The following PPM1L variants were observed in gnomAD, a reference collection of about 807,000 sequenced individuals.
PPM1L encodes the protein protein phosphatase, Mg2+/Mn2+ dependent 1L, also known as protein phosphatase 1L.
Under a neutral mutation model 31.4 loss-of-function variants are expected in PPM1L, and 13 were observed. The ratio of observed to expected loss-of-function variants is 0.41; its 90% CI spans 0.27 to 0.66. The LOEUF (loss-of-function observed/expected upper bound fraction) is 0.66. Among genes scored for constraint, PPM1L ranks in the 30% least tolerant of loss-of-function variants. The pLI is 0.29. For missense variants in PPM1L, 326 were observed against 453.7 expected, an observed-to-expected ratio of 0.72 and a Z score of 2.56; for synonymous variants, 184 against 175.4, an observed-to-expected ratio of 1.05 and a Z score of -0.39.
At chr3:160,964,321 G>T in intron 2 of PPM1L, among the ~76,000 whole-genome samples, 1 of 66,898 alleles carries the variant, frequency 1.5e-5, no homozygotes, top group Admixed American at 1.4e-4. Context: ...CACATATTTT[G>T]TATGTTATGT....
intron 2 of PPM1L, among the ~76,000 whole-genome samples, chr3:160,963,308 A>G (rs1197659729): frequency 6.6e-6 from 1 of 152,056 alleles, no homozygotes; most frequent in African/African-American, 2.4e-5. Flanking sequence ...TACTACACTA[A>G]TGCAGGTTCT....
chr3:160,895,211 G>T (rs77122823), intron 1 of PPM1L, among the ~76,000 whole-genome samples: 4,790 of 152,064 alleles, frequency 0.031, 197 homozygotes, highest in African/African-American at 0.094. Context: ...CATTTGTGGG[G>T]TTTTTTTGTT....
At chr3:160,870,657 C>T (rs1413131487) in intron 1 of PPM1L, 1 of 152,140 alleles carries the variant, frequency 6.6e-6, no homozygotes, top group Non-Finnish European at 1.5e-5. Context: ...GTACTGGTGG[C>T]TTTAAAGCCA....
intron 1 of PPM1L, among the ~76,000 whole-genome samples, chr3:160,915,878 C>T (rs1262269961): frequency 6.6e-6 from 1 of 152,118 alleles, no homozygotes; most frequent in Non-Finnish European, 1.5e-5. Context: ...GAAACTGGAT[C>T]CCTTCCTTAC....
chr3:160,832,210 C>A (rs1713542637), intron 1 of PPM1L, among the ~76,000 whole-genome samples: 1 of 152,132 alleles, frequency 6.6e-6, no homozygotes, highest in African/African-American at 2.4e-5. Context: ...AGTGGATACA[C>A]TGCTATGTAC....
At chr3:160,993,118 G>T (rs1717190081) in intron 2 of PPM1L, among the ~76,000 whole-genome samples, 1 of 151,260 alleles carries the variant, frequency 6.6e-6, no homozygotes, top group African/African-American at 2.4e-5. Flanking sequence ...TGAGGATATA[G>T]AATTATACAC....
chr3:161,064,375 AG>A (rs1165589713), intron 2 of PPM1L, among the ~76,000 whole-genome samples: 2 of 142,468 alleles, frequency 1.4e-5, no homozygotes, highest in Non-Finnish European at 3.1e-5. Flanking sequence ...TCTTAAAAAA[AG>A]AAAAAAAAAA....
chr3:160,952,273 G>A lies in PPM1L; in HGVS notation c.400-9463G>A, dbSNP rs192358307. On this transcript the variant is annotated intron_variant, in intron 1 of 3. Coordinates refer to ENST00000498165, the MANE Select transcript of PPM1L (RefSeq NM_139245.4). ...TGTCAAAAGTTAATGATATGTTACC[G>A]TAAGAAAGATGGATTCCAAGGTGAA... is the stretch of plus-strand genomic sequence containing the variant. Among the ~76,000 whole-genome samples the A allele has an allele frequency of 7.0e-4, 107 of 152,250 alleles. 1 individual carries two copies. The highest frequency in any genetic ancestry group is 3.3e-3 in the Admixed American group (50 of 15,294).
chr3:160,988,134 C>A (rs1717024890), intron 2 of PPM1L, among the ~76,000 whole-genome samples: 2 of 152,150 alleles, frequency 1.3e-5, no homozygotes, highest in Non-Finnish European at 2.9e-5. Flanking sequence ...AGGAATAGGG[C>A]AGACGCCATG....
chr3:160,769,844 G>C (rs1023768415), intron 1 of PPM1L, among the ~76,000 whole-genome samples: 3 of 152,094 alleles, frequency 2.0e-5, no homozygotes, highest in Non-Finnish European at 4.4e-5. Flanking sequence ...GGCCAAAGAG[G>C]GGATTACTGG....
chr3:160,804,431 C>CT (rs1712535655), intron 1 of PPM1L, among the ~76,000 whole-genome samples: 1 of 152,154 alleles, frequency 6.6e-6, no homozygotes, highest in Non-Finnish European at 1.5e-5. Context: ...CATGCAGAGG[C>CT]TACAGGCCTT....
chr3:160,786,628 T>C (rs955872925), intron 1 of PPM1L, among the ~76,000 whole-genome samples: 7 of 151,642 alleles, frequency 4.6e-5, no homozygotes, highest in Non-Finnish European at 1.0e-4. Context: ...AGGGGGTACC[T>C]GTATAGGTTT....
chr3:160,915,913 A>G (rs1714158556), intron 1 of PPM1L, among the ~76,000 whole-genome samples: 1 of 152,222 alleles, frequency 6.6e-6, no homozygotes, highest in South Asian at 2.1e-4. Flanking sequence ...TTAATTCAAG[A>G]TGGATTAAAG....
At chr3:160,820,459 A>G (rs1318894646) in intron 1 of PPM1L, among the ~76,000 whole-genome samples, 3 of 152,036 alleles carry the variant, frequency 2.0e-5, no homozygotes, top group African/African-American at 7.2e-5. Flanking sequence ...AAAGTTAAGT[A>G]TATTAGTCCT....
In PPM1L at chr3:160,756,246, C is replaced by T; in HGVS notation, c.-63C>T. The T allele has an allele frequency of 6.4e-7, 1 of 1,551,524 alleles. No homozygotes were observed. Among genetic ancestry groups the T allele is most frequent in the Non-Finnish European group, 8.7e-7 (1 of 1,144,432 alleles). On this transcript the variant is annotated 5_prime_UTR_variant, in exon 1 of 4. Coordinates refer to ENST00000498165, the MANE Select transcript of PPM1L (RefSeq NM_139245.4). The surrounding 1 kb of genome is among the most constrained non-coding windows in gnomAD (Gnocchi z 6.2). ...CCGGCGGGCTGTCCCCGCAGTGCTC[C>T]CGGACCCGGCGAGCCTTCGGGGCGC...
In PPM1L at chr3:160,814,528, T is replaced by C. The variant is rs560138056; in HGVS notation, c.399+57821T>C. ...GTATGTGTATATATATACACACACATATGTATGTATGTGTATATATACACA... is the reference window on the plus strand; with the variant it reads ...GTATGTGTATATATATACACACACACATGTATGTATGTGTATATATACACA... On this transcript the variant is annotated intron_variant, in intron 1 of 3. Transcript: ENST00000498165. 2.2e-3 allele frequency among the ~76,000 whole-genome samples: 211 copies of C among 95,506 alleles called. 2 individuals carry two copies. Among genetic ancestry groups the C allele is most frequent in the African/African-American group, 9.1e-3 (185 of 20,430 alleles). The allele number at this position is 95,506 out of a possible 152,430, so 62.7% of individuals were successfully genotyped here.
intron 1 of PPM1L, among the ~76,000 whole-genome samples, chr3:160,853,915 C>T (rs2108115089): frequency 6.6e-6 from 1 of 151,926 alleles, no homozygotes; most frequent in Non-Finnish European, 1.5e-5. Context: ...TAAGGTCAAA[C>T]TTTAATTAAC....
chr3:161,026,561 T>C (rs576784000), intron 2 of PPM1L, among the ~76,000 whole-genome samples: 12 of 151,392 alleles, frequency 7.9e-5, no homozygotes, highest in African/African-American at 1.9e-4. Flanking sequence ...CTGGGCACGG[T>C]GGTGGGCGCC....
chr3:160,849,445 G>T (rs1714191157), intron 1 of PPM1L, among the ~76,000 whole-genome samples: 1 of 149,028 alleles, frequency 6.7e-6, no homozygotes. Flanking sequence ...ATGGAGTCTC[G>T]CTCTGTCGCC....
Sources: gnomAD v4.1 joint callset for allele counts (sites outside exome capture counted in the v4.1 genomes callset) on GRCh38, gnomAD v4.1.1 for gene constraint, Gnocchi (gnomAD v3.1) non-coding constraint, MANE v1.5 for transcripts, NCBI Gene and HGNC (gene_info 2026-07-23, HGNC 2026-07-21) for gene names.